MDFIC2: variants seen among roughly 807,000 people sequenced by gnomAD.
MDFIC2 encodes myoD family inhibitor domain-containing protein 2.
At chr3:70,234,932 T>A (rs539608965) in intron 2 of MDFIC2, among the ~76,000 whole-genome samples, 2 of 152,292 alleles carry the variant, frequency 1.3e-5, no homozygotes, top group South Asian at 4.1e-4. Flanking sequence ...ACCTCACGGT[T>A]TCCTGATTTA....
At chr3:70,304,238 G>A (rs1391781067) in intron 2 of MDFIC2, among the ~76,000 whole-genome samples, 1 of 152,028 alleles carries the variant, frequency 6.6e-6, no homozygotes, top group African/African-American at 2.4e-5. Flanking sequence ...TCCTGCCCCA[G>A]TGCCTGTATA....
At position 70,195,361 on chromosome 3, in the gene MDFIC2, G is replaced by A. The variant is rs1352211609; in HGVS notation, c.*1565C>T. On this transcript the variant is annotated 3_prime_UTR_variant, in exon 4 of 4. Coordinates refer to ENST00000567252, the MANE Select transcript of MDFIC2 (RefSeq NM_001364677.1). The stretch of plus-strand genomic sequence containing the variant: ...TTGTGAATAACATGGTCATCAAACA[G>A]GAATGAAATCAGCATTAACCATGGG... Among the ~76,000 whole-genome samples, 1 of 152,196 alleles carries A rather than the reference G, an allele frequency of 6.6e-6. No individual in the cohort carries two copies. The highest frequency in any genetic ancestry group is 1.9e-4 in the East Asian group (1 of 5,194).
At chr3:70,305,955 A>G (rs1186105827) in intron 2 of MDFIC2, among the ~76,000 whole-genome samples, 1 of 152,128 alleles carries the variant, frequency 6.6e-6, no homozygotes, top group Non-Finnish European at 1.5e-5. Context: ...AGTATTTTGG[A>G]TTATTAGTCT....
intron 2 of MDFIC2, among the ~76,000 whole-genome samples, chr3:70,235,730 G>A (rs1414612882): frequency 1.3e-5 from 2 of 152,134 alleles, no homozygotes; most frequent in East Asian, 3.9e-4. Context: ...TTCAAATCAG[G>A]CCATTGATAA....
intron 2 of MDFIC2, among the ~76,000 whole-genome samples, chr3:70,255,746 C>T (rs1575607925): frequency 6.6e-6 from 1 of 152,114 alleles, no homozygotes; most frequent in Non-Finnish European, 1.5e-5. Flanking sequence ...TATGATCCCC[C>T]GTACCCAGCC....
intron 3 of MDFIC2, among the ~76,000 whole-genome samples, chr3:70,201,207 C>A (rs1701234759): frequency 6.6e-6 from 1 of 152,012 alleles, no homozygotes; most frequent in African/African-American, 2.4e-5. Flanking sequence ...CACCCTCCAC[C>A]CTCCAATAAG....
intron 2 of MDFIC2, among the ~76,000 whole-genome samples, chr3:70,275,471 T>A (rs151294022): frequency 6.6e-6 from 1 of 152,294 alleles, no homozygotes; most frequent in East Asian, 1.9e-4. Context: ...GCAGTGATCA[T>A]GCCACTGCAT....
intron 2 of MDFIC2, chr3:70,283,992 T>C (rs545759242): frequency 6.6e-6 from 1 of 152,128 alleles, no homozygotes; most frequent in Admixed American, 6.6e-5. Flanking sequence ...CCTACTGTCA[T>C]ACAGAAGGGG....
intron 2 of MDFIC2, among the ~76,000 whole-genome samples, chr3:70,306,354 A>G (rs985577067): frequency 2.6e-5 from 4 of 151,814 alleles, no homozygotes; most frequent in African/African-American, 9.7e-5. Context: ...CTCATGATCT[A>G]CCCGCCTCGG....
intron 2 of MDFIC2, among the ~76,000 whole-genome samples, chr3:70,246,093 C>T (rs1701705878): frequency 1.3e-5 from 2 of 151,700 alleles, no homozygotes; most frequent in Non-Finnish European, 2.9e-5. Context: ...GTTCACTACA[C>T]ACCATAAAAA....
chr3:70,302,602 G>T (rs1702360505), intron 2 of MDFIC2: 1 of 152,112 alleles, frequency 6.6e-6, no homozygotes, highest in African/African-American at 2.4e-5. Flanking sequence ...ATCTACAATT[G>T]TCTTCTTCCT....
At chr3:70,282,860 G>A (rs1702102541) in intron 2 of MDFIC2, among the ~76,000 whole-genome samples, 3 of 152,164 alleles carry the variant, frequency 2.0e-5, no homozygotes, top group Non-Finnish European at 4.4e-5. Flanking sequence ...AAAGAGAGGT[G>A]TAAATATTTG....
At chr3:70,298,832 G>A (rs1276012898) in intron 2 of MDFIC2, among the ~76,000 whole-genome samples, 1 of 152,110 alleles carries the variant, frequency 6.6e-6, no homozygotes, top group African/African-American at 2.4e-5. Flanking sequence ...AGAATACCTG[G>A]CTTGGGACCT....
At chr3:70,284,791 T>G (rs1025598101) in intron 2 of MDFIC2, among the ~76,000 whole-genome samples, 1 of 152,000 alleles carries the variant, frequency 6.6e-6, no homozygotes, top group Non-Finnish European at 1.5e-5. Context: ...AAATAACTAA[T>G]GGGTACTAGT....
chr3:70,310,434 C>T (rs928549466), intron 2 of MDFIC2, among the ~76,000 whole-genome samples: 1 of 151,066 alleles, frequency 6.6e-6, no homozygotes, highest in African/African-American at 2.4e-5. Context: ...GGTGTGATCT[C>T]GGCTCACTGC....
In MDFIC2 at chr3:70,235,098, G is replaced by GT. The variant is rs992188343; in HGVS notation, c.89-28309dup. Among the ~76,000 whole-genome samples the GT allele has an allele frequency of 9.9e-5, 15 of 152,162 alleles. No individual in the cohort carries two copies. In the South Asian group the frequency reaches 1.5e-3, roughly 15 times the overall value. On this transcript the variant is annotated intron_variant, in intron 2 of 3. Transcript: ENST00000567252. ...CTGCAGAATGTCCTTGTTCCTTTAT[G>GT]TTTTTTTCCAACCTCTATTGGAGAA...
chr3:70,267,725 A>G (rs575872931), intron 2 of MDFIC2, among the ~76,000 whole-genome samples: 19 of 151,858 alleles, frequency 1.3e-4, no homozygotes, highest in Admixed American at 4.6e-4. Flanking sequence ...CTAAAATAGC[A>G]TTTTTTAATG....
Position 70,197,149 on chromosome 3 carries a change from C to G in MDFIC2, c.347G>C (p.Cys116Ser), listed in dbSNP as rs149889854. 3.0e-5 allele frequency: 12 copies of G among 398,316 alleles called. No individual in the cohort carries two copies. In the East Asian group the frequency reaches 3.9e-4, roughly 13 times the overall value. 24.7% of individuals were successfully genotyped at this position (398,316 alleles called of 1,614,324 possible). ...CATCAGGAGACAGTCCCAAAACTGG[C>G]AAAACAGACAGGCGAGGATAAGGGA... is the stretch of plus-strand genomic sequence containing the variant. ...CASLILACLF[C>S]QFWDCLLMLP... The change falls in exon 4 of 4, where the codon TGC (cysteine) becomes TCC (serine). Residue 116 changes from cysteine (C) to serine (S), a missense_variant. Physicochemically the swap from Cys to Ser is moderately radical, Grantham distance 112. Transcript: ENST00000567252.
chr3:70,236,062 C>A (rs1353414008), intron 2 of MDFIC2, among the ~76,000 whole-genome samples: 1 of 152,058 alleles, frequency 6.6e-6, no homozygotes, highest in East Asian at 1.9e-4. Context: ...AATGAATAAT[C>A]TTTCCCACGA....
Sources: gnomAD v4.1 joint callset for allele counts (sites outside exome capture counted in the v4.1 genomes callset) on GRCh38, gnomAD v4.1.1 for gene constraint, MANE v1.5 for transcripts, NCBI Gene and HGNC (gene_info 2026-07-23, HGNC 2026-07-21) for gene names.